CSMD3: variants seen among roughly 807,000 people sequenced by gnomAD.
CSMD3 encodes the protein CUB and Sushi multiple domains 3, also known as CUB and sushi domain-containing protein 3.
CSMD3 carries 177 observed loss-of-function variants against 435.2 expected under a neutral mutation model. The observed-to-expected ratio is 0.41, with a 90% CI of 0.36 to 0.46. CSMD3 has a LOEUF of 0.46. Among genes scored for constraint, CSMD3 ranks in the 20% least tolerant of loss-of-function variants. The pLI, the probability that CSMD3 is intolerant of heterozygous loss-of-function variation, is 0.34. For synonymous variants in CSMD3, 1,656 were observed against 1,520.5 expected, an observed-to-expected ratio of 1.09 and a Z score of -2.07; for missense variants, 4,265 against 4,504.6, an observed-to-expected ratio of 0.95 and a Z score of 1.52.
At chr8:112,889,148 C>G (rs1184241023) in intron 10 of CSMD3, among the ~76,000 whole-genome samples, 1 of 151,682 alleles carries the variant, frequency 6.6e-6, no homozygotes, top group African/African-American at 2.4e-5. Flanking sequence ...TTTCCCCTTG[C>G]TGCCCCTACG....
intron 40 of CSMD3, among the ~76,000 whole-genome samples, chr8:112,349,158 AAAAT>A (rs1825924670): frequency 6.6e-6 from 1 of 152,130 alleles, no homozygotes; most frequent in Non-Finnish European, 1.5e-5. Context: ...ATAATGTGAA[AAAAT>A]AAATATGTAA....
At position 113,098,836 on chromosome 8, in the gene CSMD3, A is replaced by T. The variant is rs2131546625; in HGVS notation, c.837T>A (p.Ile279=). 1.2e-6 allele frequency: 2 copies of T among 1,612,940 alleles called. No individual in the cohort carries two copies. The highest frequency in any genetic ancestry group is 1.7e-6 in the Non-Finnish European group (2 of 1,179,216). ...WTIVAEPGDT[I]SLIFTDFQME... ...TTTGAAAATCAGTAAATATGAGTGAAATTGTGTCCCCAGGCTCTGCTACAA... is the reference window on the plus strand; with the variant it reads ...TTTGAAAATCAGTAAATATGAGTGATATTGTGTCCCCAGGCTCTGCTACAA... The change falls in exon 5 of 71, where the codon ATT becomes ATA. Residue 279 remains isoleucine (I), a synonymous_variant. Coordinates refer to ENST00000297405, the MANE Select transcript of CSMD3 (RefSeq NM_198123.2).
At chr8:112,852,152 A>C (rs1564025042) in intron 11 of CSMD3, among the ~76,000 whole-genome samples, 1 of 152,186 alleles carries the variant, frequency 6.6e-6, no homozygotes, top group Non-Finnish European at 1.5e-5. Context: ...ATCCCAACCT[A>C]ACAATGAAAG....
intron 22 of CSMD3, among the ~76,000 whole-genome samples, chr8:112,598,678 T>C (rs1170462027): frequency 4.7e-5 from 7 of 148,980 alleles, no homozygotes; most frequent in South Asian, 2.2e-4. Flanking sequence ...GAGATATAGA[T>C]CAATGGAACA....
intron 6 of CSMD3, among the ~76,000 whole-genome samples, chr8:112,983,780 A>G (rs997350684): frequency 1.7e-4 from 26 of 151,862 alleles, no homozygotes; most frequent in African/African-American, 6.3e-4. Flanking sequence ...TTCATTATTA[A>G]CAGGTCTGGT....
rs763376994 is a variant in CSMD3, at chr8:112,645,120, G to C, written c.3299C>G (p.Thr1100Ser). The stretch of plus-strand genomic sequence containing the variant: ...ATGAGGCAAATTACCTTTTCCATGG[G>C]TTACATCAACAGTCCATGTACAATT... ...SLNCTWTVDV[T>S]HGKGVQFNFH... The change falls in exon 20 of 71, where the codon ACC (threonine) becomes AGC (serine). Residue 1100 changes from threonine to serine, a missense_variant. Physicochemically the swap from Thr to Ser is moderately conservative, Grantham distance 58. Around this residue, in one of 3 missense-constraint regions of CSMD3, gnomAD observed 3,255 missense variants for 3,380.2 expected, o/e 0.96. Transcript: ENST00000297405. The C allele has an allele frequency of 6.5e-7, 1 of 1,542,918 alleles. No homozygotes were observed. Among genetic ancestry groups the C allele is most frequent in the East Asian group, 2.2e-5 (1 of 44,508 alleles).
In CSMD3 at chr8:112,237,213, C is replaced by G. The variant is rs2129989039; in HGVS notation, c.10604G>C (p.Ser3535Thr). ...ACCTGAAAGTAGCAGCTCCATGTTG[C>G]TATTGCTCAGTGTTGCGTTAACTCT... ...TGRVNATLSN[S>T]NMELLLSGVY... The change falls in exon 67 of 71, where the codon AGC becomes ACC. Residue 3535 changes from serine (S) to threonine (T), a missense_variant. Around this residue, in one of 3 missense-constraint regions of CSMD3, gnomAD observed 3,255 missense variants for 3,380.2 expected, o/e 0.96. Coordinates refer to ENST00000297405, the MANE Select transcript of CSMD3 (RefSeq NM_198123.2). The G allele has an allele frequency of 1.2e-6, 2 of 1,613,590 alleles. No individual in the cohort carries two copies. The highest frequency in any genetic ancestry group is 1.7e-6 in the Non-Finnish European group (2 of 1,179,632).
intron 2 of CSMD3, among the ~76,000 whole-genome samples, 186 bp from the exon 3 acceptor site, chr8:113,278,890 A>G (rs1347600018): frequency 1.3e-5 from 2 of 151,806 alleles, no homozygotes; most frequent in Admixed American, 6.6e-5. Flanking sequence ...TCAGCCCTCC[A>G]GACTGCAAGA....
intron 31 of CSMD3, among the ~76,000 whole-genome samples, chr8:112,488,666 T>C (rs188139895): frequency 6.6e-5 from 10 of 152,192 alleles, no homozygotes; most frequent in East Asian, 1.9e-4. Flanking sequence ...TTCTCAAACA[T>C]TGATAAAATT....
chr8:112,929,506 C>T (rs2083034684), intron 9 of CSMD3, among the ~76,000 whole-genome samples: 1 of 151,770 alleles, frequency 6.6e-6, no homozygotes, highest in African/African-American at 2.4e-5. Context: ...AAATACTTGT[C>T]ACTATATGAT....
chr8:113,420,907 C>G (rs2094606060), intron 1 of CSMD3, among the ~76,000 whole-genome samples: 1 of 151,384 alleles, frequency 6.6e-6, no homozygotes, highest in Non-Finnish European at 1.5e-5. Flanking sequence ...TGAGATCGCC[C>G]CATTGCACTC....
chr8:113,264,356 T>C (rs1291897392), intron 3 of CSMD3, among the ~76,000 whole-genome samples: 2 of 151,102 alleles, frequency 1.3e-5, no homozygotes, highest in Non-Finnish European at 3.0e-5. Context: ...CTTATCAAAA[T>C]GATAAATTAT....
At chr8:112,545,208 G>C (rs1026983450) in intron 27 of CSMD3, among the ~76,000 whole-genome samples, 4 of 152,084 alleles carry the variant, frequency 2.6e-5, no homozygotes, top group African/African-American at 9.7e-5. Context: ...TCCTGGCCAG[G>C]CACAGTGGTT....
intron 11 of CSMD3, among the ~76,000 whole-genome samples, chr8:112,854,434 G>A (rs2080588034): frequency 6.6e-6 from 1 of 152,156 alleles, no homozygotes; most frequent in South Asian, 2.1e-4. Flanking sequence ...ACATATCCAA[G>A]ACTACAAGGA....
At chr8:112,501,065 C>T (rs1314853101) in intron 30 of CSMD3, among the ~76,000 whole-genome samples, 5 of 151,896 alleles carry the variant, frequency 3.3e-5, no homozygotes, top group Admixed American at 2.6e-4. Context: ...TTTTGGATGC[C>T]CCTCTCTTAC....
intron 1 of CSMD3, among the ~76,000 whole-genome samples, chr8:113,385,457 G>A (rs2094435367): frequency 2.0e-5 from 3 of 152,088 alleles, no homozygotes; most frequent in African/African-American, 7.2e-5. Context: ...TGAGCTCACT[G>A]AATCCATACA....
Position 112,612,748 on chromosome 8 carries a change from T to TTGCTC in CSMD3, c.3715+24064_3715+24068dup, listed in dbSNP as rs149200154. Among the ~76,000 whole-genome samples, 410 of 143,564 alleles carry TTGCTC rather than the reference T, an allele frequency of 2.9e-3. 1 individual carries two copies. Among genetic ancestry groups the TTGCTC allele is most frequent in the African/African-American group, 0.01 (387 of 38,580 alleles). The allele number at this position is 143,564 out of a possible 152,430, so 94.2% of individuals were successfully genotyped here. ...TTTTTTTTTTTTTTCAGATGGAGTC[T>TTGCTC]TGCTCTGTCACCCAGGCTAAGTGCA... On this transcript the variant is annotated intron_variant, in intron 22 of 70. Coordinates refer to ENST00000297405, the MANE Select transcript of CSMD3 (RefSeq NM_198123.2).
chr8:113,403,165 C>A (rs536391954), intron 1 of CSMD3, among the ~76,000 whole-genome samples: 1 of 151,300 alleles, frequency 6.6e-6, no homozygotes, highest in African/African-American at 2.4e-5. Flanking sequence ...TAGGATTCAT[C>A]GTAGTTTTTT....
chr8:113,419,884 G>A (rs1221849758), intron 1 of CSMD3, among the ~76,000 whole-genome samples: 1 of 151,882 alleles, frequency 6.6e-6, no homozygotes, highest in East Asian at 1.9e-4. Context: ...TCTAATGGTA[G>A]CCTTAAAAAG....
Sources: gnomAD v4.1 joint callset for allele counts (sites outside exome capture counted in the v4.1 genomes callset) on GRCh38, gnomAD v4.1.1 for gene constraint, gnomAD v4.1.1 regional missense constraint, MANE v1.5 for transcripts, NCBI Gene and HGNC (gene_info 2026-07-23, HGNC 2026-07-21) for gene names.